The following ZNF573 variants were observed in gnomAD, a reference collection of about 807,000 sequenced individuals.
ZNF573 encodes zinc finger protein 573.
In ZNF573, 41 loss-of-function variants were observed where a neutral mutation model predicts 57.4. The observed-to-expected ratio is 0.71, with a 90% confidence interval of 0.56 to 0.93. The LOEUF (loss-of-function observed/expected upper bound fraction) is 0.93, where lower values mean the gene tolerates loss of function less well. Ranked by LOEUF, ZNF573 falls within the 40% of genes least tolerant of loss-of-function variation. The pLI, the probability that ZNF573 is intolerant of heterozygous loss-of-function variation, is 0.00. For synonymous variants in ZNF573, 249 were observed against 261.0 expected (o/e 0.95, Z 0.44); for missense variants, 730 against 794.8 (o/e 0.92, Z 0.98).
chr19:37,770,202 G>C (rs936993911), intron 3 of ZNF573, 105 bp from the exon 4 acceptor site: 13 of 845,320 alleles, frequency 1.5e-5, no homozygotes, highest in African/African-American at 7.0e-5. Flanking sequence ...TCAAATAAAA[G>C]AGGGGTGAGA....
At chr19:37,761,961 T>C (rs2045557402) in intron 4 of ZNF573, among the ~76,000 whole-genome samples, 1 of 152,222 alleles carries the variant, frequency 6.6e-6, no homozygotes, top group East Asian at 1.9e-4. Flanking sequence ...CCCGGACAGA[T>C]ACAATTATGA....
chr19:37,738,722 C>A lies in ZNF573; in HGVS notation c.1768G>T (p.Ala590Ser). The A allele has an allele frequency of 1.2e-6, 2 of 1,613,044 alleles. No homozygotes were observed. The highest frequency in any genetic ancestry group is 1.7e-6 in the Non-Finnish European group (2 of 1,179,682). The change falls in exon 5 of 5, where the codon GCC becomes TCC. Residue 590 changes from alanine (A) to serine (S), a missense_variant. Physicochemically the swap from Ala to Ser is moderately conservative, Grantham distance 99. Coordinates refer to ENST00000536220, the MANE Select transcript of ZNF573 (RefSeq NM_001172690.2). Reference sequence around the variant, plus strand: ...GTAAGGTAGCCATACATTTTAAAGGCCTTTCCACATTCTTTACATTCATAG... The same window carrying A: ...GTAAGGTAGCCATACATTTTAAAGGACTTTCCACATTCTTTACATTCATAG... ...KPYECKECGK[A>S]FKMYGYLTQH...
At position 37,739,732 on chromosome 19, in the gene ZNF573, C is replaced by G; in HGVS notation, c.758G>C (p.Arg253Thr). The G allele has an allele frequency of 1.9e-6, 3 of 1,613,750 alleles. No individual in the cohort carries two copies. Among genetic ancestry groups the G allele is most frequent in the Non-Finnish European group, 1.7e-6 (2 of 1,179,852 alleles). The change falls in exon 5 of 5, where the codon AGG (arginine) becomes ACG (threonine). Residue 253 changes from arginine (R) to threonine (T), a missense_variant. Physicochemically the swap from Arg to Thr is moderately conservative, Grantham distance 71. Coordinates refer to ENST00000536220, the MANE Select transcript of ZNF573 (RefSeq NM_001172690.2). ...AAGATGTCCACCTTGACTAAAGGCCCTCCCACACTCCTGACATTCATACGG... is the reference window on the plus strand; with the variant it reads ...AAGATGTCCACCTTGACTAAAGGCCGTCCCACACTCCTGACATTCATACGG... Reference protein sequence around the residue: ...GKPYECQECGRAFSQGGHLRI... With the variant: ...GKPYECQECGTAFSQGGHLRI...
chr19:37,766,115 T>C (rs1034621483), intron 4 of ZNF573, among the ~76,000 whole-genome samples: 1 of 152,112 alleles, frequency 6.6e-6, no homozygotes, highest in Non-Finnish European at 1.5e-5. Context: ...AGTTACCAAA[T>C]AGTAGGTGAT....
intron 4 of ZNF573, among the ~76,000 whole-genome samples, chr19:37,756,429 G>A (rs890894296): frequency 1.3e-5 from 2 of 152,142 alleles, no homozygotes; most frequent in Admixed American, 1.3e-4. Context: ...GCATAAAATT[G>A]CAGGCATGGT....
At chr19:37,767,853 G>A (rs998386965) in intron 4 of ZNF573, among the ~76,000 whole-genome samples, 1 of 152,162 alleles carries the variant, frequency 6.6e-6, no homozygotes, top group African/African-American at 2.4e-5. Flanking sequence ...TTAGAGACTT[G>A]CGAAAACTTA....
chr19:37,769,039 A>G (rs1350015444), intron 4 of ZNF573, among the ~76,000 whole-genome samples: 3 of 150,990 alleles, frequency 2.0e-5, no homozygotes, highest in Admixed American at 6.6e-5. Flanking sequence ...ATCTCGGCTC[A>G]CTGCAACCTC....
intron 4 of ZNF573, among the ~76,000 whole-genome samples, chr19:37,744,898 C>T (rs2045365682): frequency 1.3e-5 from 2 of 151,736 alleles, no homozygotes; most frequent in Non-Finnish European, 1.5e-5. Context: ...TCTCCTGCCT[C>T]AGCCTCCCGA....
intron 4 of ZNF573, among the ~76,000 whole-genome samples, chr19:37,768,104 A>AT (rs543142807): frequency 1.3e-5 from 2 of 152,154 alleles, no homozygotes; most frequent in Non-Finnish European, 2.9e-5. Flanking sequence ...ATAAAAAAAA[A>AT]TTTTTAAGTT....
chr19:37,740,426 T>G lies in ZNF573; in HGVS notation c.296-232A>C, dbSNP rs1313957957. 9.2e-5 allele frequency among the ~76,000 whole-genome samples: 14 copies of G among 152,212 alleles called. 1 individual carries two copies. The highest frequency in any genetic ancestry group is 2.9e-5 in the Non-Finnish European group (2 of 68,036). Reference sequence around the variant, plus strand: ...AGGTAACATTTAGGTGGGGCCAGAATCTTTGACAAGCTTGTTCCAAATCTG... The same window carrying G: ...AGGTAACATTTAGGTGGGGCCAGAAGCTTTGACAAGCTTGTTCCAAATCTG... On this transcript the variant is annotated intron_variant, in intron 4 of 4. Coordinates refer to ENST00000536220, the MANE Select transcript of ZNF573 (RefSeq NM_001172690.2).
chr19:37,769,906 G>A (rs1434862070), intron 4 of ZNF573, 99 bp downstream of exon 4: 5 of 975,888 alleles, frequency 5.1e-6, no homozygotes, highest in Non-Finnish European at 8.0e-6. Flanking sequence ...ACAAGTCTGG[G>A]TGCCTTGGAG....
chr19:37,741,500 T>C (rs534923097), intron 4 of ZNF573, among the ~76,000 whole-genome samples: 1 of 152,230 alleles, frequency 6.6e-6, no homozygotes, highest in Non-Finnish European at 1.5e-5. Context: ...GTTGGCTTCA[T>C]CCCTGGGATG....
At position 37,773,768 on chromosome 19, in the gene ZNF573, G is replaced by A; in HGVS notation, c.-22-17C>T. 1 of 1,430,914 alleles carries A rather than the reference G, an allele frequency of 7.0e-7. No homozygotes were observed. The highest frequency in any genetic ancestry group is 9.5e-7 in the Non-Finnish European group (1 of 1,053,554). 88.6% of individuals were successfully genotyped at this position (1,430,914 alleles called of 1,614,324 possible). On this transcript the variant is annotated splice_polypyrimidine_tract_variant and intron_variant, in intron 1 of 4. Coordinates refer to ENST00000536220, the MANE Select transcript of ZNF573 (RefSeq NM_001172690.2). The stretch of plus-strand genomic sequence containing the variant: ...AATCCAGAGCTGAGAGAAGAAAAGA[G>A]ATGTTAGTGTTCCCAATATGACTTA...
chr19:37,747,517 C>G (rs1175356965), intron 4 of ZNF573, among the ~76,000 whole-genome samples: 2 of 152,150 alleles, frequency 1.3e-5, no homozygotes, highest in East Asian at 3.8e-4. Context: ...TATGTACCTG[C>G]TCCCAGGGTG....
rs1389704811 is a variant in ZNF573, at chr19:37,751,939, C to T, written c.296-11745G>A. ...TATAGTACATAGTACCGTATATATA[C>T]TGTATATAGTACATAGTATCGTATA... On this transcript the variant is annotated intron_variant, in intron 4 of 4. Transcript: ENST00000536220. Among the ~76,000 whole-genome samples, 2 of 81,668 alleles carry T rather than the reference C, an allele frequency of 2.4e-5. 1 individual carries two copies. The highest frequency in any genetic ancestry group is 5.6e-5 in the Non-Finnish European group (2 of 35,538). The allele number at this position is 81,668 out of a possible 152,430, so 53.6% of individuals were successfully genotyped here.
At position 37,751,127 on chromosome 19, in the gene ZNF573, A is replaced by G. The variant is rs1226382976; in HGVS notation, c.296-10933T>C. Among the ~76,000 whole-genome samples the G allele has an allele frequency of 3.0e-5, 4 of 134,032 alleles. No individual in the cohort carries two copies. In the East Asian group the frequency reaches 6.9e-4, roughly 23 times the overall value. 87.9% of individuals were successfully genotyped at this position (134,032 alleles called of 152,430 possible). ...CATATATACTGTGTATATATACAGT[A>G]TAGACAGCATATATACTGTGTATAT... On this transcript the variant is annotated intron_variant, in intron 4 of 4. Coordinates refer to ENST00000536220, the MANE Select transcript of ZNF573 (RefSeq NM_001172690.2).
chr19:37,767,329 C>T (rs1386296633), intron 4 of ZNF573, among the ~76,000 whole-genome samples: 1 of 151,998 alleles, frequency 6.6e-6, no homozygotes, highest in East Asian at 1.9e-4. Flanking sequence ...CTCGGGTTCA[C>T]GCTCTTCTCC....
chr19:37,767,385 C>A (rs751448770), intron 4 of ZNF573, among the ~76,000 whole-genome samples: 4 of 152,092 alleles, frequency 2.6e-5, no homozygotes, highest in African/African-American at 9.7e-5. Flanking sequence ...CCCGCCACCA[C>A]GCCCACCTAA....
intron 4 of ZNF573, among the ~76,000 whole-genome samples, chr19:37,743,394 A>G (rs551476333): frequency 1.0e-3 from 159 of 152,210 alleles, no homozygotes; most frequent in African/African-American, 3.6e-3. Context: ...GCTCAACATC[A>G]TCATCAGAGA....
Sources: gnomAD v4.1 joint callset for allele counts (sites outside exome capture counted in the v4.1 genomes callset) on GRCh38, gnomAD v4.1.1 for gene constraint, MANE v1.5 for transcripts, NCBI Gene and HGNC (gene_info 2026-07-23, HGNC 2026-07-21) for gene names.